The following MYRIP variants were observed in gnomAD, a reference collection of about 807,000 sequenced individuals.
MYRIP encodes rab effector MyRIP.
A neutral mutation model predicts 98.0 loss-of-function variants in MYRIP; 49 were observed. The ratio of observed to expected loss-of-function variants is 0.50; its 90% confidence interval spans 0.40 to 0.63. The LOEUF is 0.63. MYRIP is among the 30% of genes least tolerant of loss of function. The pLI is 0.00. For synonymous variants in MYRIP, 404 were observed against 409.5 expected, an observed-to-expected ratio of 0.99 and a Z score of 0.16; for missense variants, 1,004 against 1,058.2, an observed-to-expected ratio of 0.95 and a Z score of 0.71.
intron 1 of MYRIP, among the ~76,000 whole-genome samples, chr3:39,849,848 G>T (rs1942073979): frequency 6.6e-6 from 1 of 152,182 alleles, no homozygotes; most frequent in Admixed American, 6.5e-5. Context: ...GGGTAGGAGA[G>T]AATTAGTGAC....
intron 2 of MYRIP, among the ~76,000 whole-genome samples, chr3:40,014,584 C>T (rs1431683403): frequency 6.6e-6 from 1 of 152,176 alleles, no homozygotes; most frequent in Non-Finnish European, 1.5e-5. Flanking sequence ...CACTGTGCCT[C>T]AGTTTCCTCA....
At chr3:40,244,959 A>G (rs1011964557) in intron 13 of MYRIP, among the ~76,000 whole-genome samples, 1 of 152,222 alleles carries the variant, frequency 6.6e-6, no homozygotes, top group African/African-American at 2.4e-5. Flanking sequence ...ATTACTTATT[A>G]AGTAATATTA....
At chr3:40,183,226 G>A (rs772719340) in intron 9 of MYRIP, among the ~76,000 whole-genome samples, 1 of 152,192 alleles carries the variant, frequency 6.6e-6, no homozygotes. Context: ...CATCCTGGCT[G>A]GGCAGATGCA....
intron 7 of MYRIP, among the ~76,000 whole-genome samples, chr3:40,167,747 C>T (rs1348414703): frequency 2.0e-5 from 3 of 152,152 alleles, no homozygotes; most frequent in African/African-American, 7.2e-5. Flanking sequence ...TTTCCATGAC[C>T]GTGGACCCTC....
chr3:40,114,111 C>T (rs1949219933), intron 3 of MYRIP, among the ~76,000 whole-genome samples: 1 of 152,190 alleles, frequency 6.6e-6, no homozygotes, highest in Non-Finnish European at 1.5e-5. Context: ...TTCTGCAACA[C>T]AGAATATAGT....
Position 40,141,248 on chromosome 3 carries a change from GTCTTCTTTTAA to G in MYRIP, c.333-9799_333-9789del, listed in dbSNP as rs1394308524. ...AAGAATGAGATCCAGTCATTTGTAT[GTCTTCTTTTAA>G]AAAATGTCTTTTCAGATCATTTTCC... On this transcript the variant is annotated intron_variant, in intron 3 of 16. Coordinates refer to ENST00000302541, the MANE Select transcript of MYRIP (RefSeq NM_015460.4). Among the ~76,000 whole-genome samples, 3 of 152,150 alleles carry G rather than the reference GTCTTCTTTTAA, an allele frequency of 2.0e-5. No individual in the cohort carries two copies. In the East Asian group the frequency reaches 5.8e-4, roughly 29 times the overall value.
At chr3:40,032,229 T>C (rs1313520058) in intron 2 of MYRIP, among the ~76,000 whole-genome samples, 5 of 152,130 alleles carry the variant, frequency 3.3e-5, no homozygotes, top group South Asian at 2.1e-4. Flanking sequence ...TTTATTTCTG[T>C]CTTCATTTCG....
chr3:40,176,469 G>A (rs1304489130), intron 8 of MYRIP, among the ~76,000 whole-genome samples: 3 of 152,156 alleles, frequency 2.0e-5, no homozygotes, highest in Admixed American at 2.0e-4. Context: ...GAAATACAAG[G>A]CCAGGTATGG....
chr3:40,026,087 G>C (rs11129859), intron 2 of MYRIP, among the ~76,000 whole-genome samples: 42,212 of 151,870 alleles, frequency 0.28, 6,571 homozygotes, highest in Non-Finnish European at 0.36. Flanking sequence ...GCGTATTTCA[G>C]TCCTTATCTC....
chr3:40,134,266 C>G (rs1410233174), intron 3 of MYRIP, among the ~76,000 whole-genome samples: 3 of 152,124 alleles, frequency 2.0e-5, no homozygotes, highest in African/African-American at 7.2e-5. Flanking sequence ...GGTCCTACAC[C>G]CACGGAGCCT....
intron 2 of MYRIP, among the ~76,000 whole-genome samples, chr3:39,976,791 C>G (rs1039518127): frequency 3.9e-5 from 6 of 152,072 alleles, no homozygotes; most frequent in African/African-American, 1.5e-4. Flanking sequence ...CAAACTATCA[C>G]AAGGACAAAA....
intron 1 of MYRIP, among the ~76,000 whole-genome samples, chr3:39,856,154 T>C (rs2125612133): frequency 6.6e-6 from 1 of 152,366 alleles, no homozygotes; most frequent in African/African-American, 2.4e-5. Context: ...CCTCTTACAC[T>C]TTGGGAACTC....
rs1337230036 is a variant in MYRIP at position 40,234,014 on chromosome 3, A to C, written c.2061A>C (p.Gln687His). Reference sequence around the variant, plus strand: ...GGATGTTTCCTCGTGGGACAGACCAAGTGAGACTGGATGAGCAGCTGACTT... The same window carrying C: ...GGATGTTTCCTCGTGGGACAGACCACGTGAGACTGGATGAGCAGCTGACTT... ...QKGMFPRGTD[Q>H]VRLDEQLTSL... The change falls in exon 12 of 17, where the codon CAA (glutamine) becomes CAC (histidine). Residue 687 changes from glutamine (Q) to histidine (H), a missense_variant. Gln to His is a conservative substitution (Grantham distance 24). Coordinates refer to ENST00000302541, the MANE Select transcript of MYRIP (RefSeq NM_015460.4). The C allele has an allele frequency of 1.9e-6, 3 of 1,610,458 alleles. No individual in the cohort carries two copies. The highest frequency in any genetic ancestry group is 2.5e-6 in the Non-Finnish European group (3 of 1,179,046).
At chr3:40,112,244 GA>G (rs1278235863) in intron 3 of MYRIP, among the ~76,000 whole-genome samples, 2 of 151,040 alleles carry the variant, frequency 1.3e-5, no homozygotes, top group African/African-American at 4.9e-5. Flanking sequence ...AATATCTCAT[GA>G]GGGGGTGGAG....
chr3:39,899,685 C>T (rs1943700521), intron 1 of MYRIP, among the ~76,000 whole-genome samples: 1 of 151,928 alleles, frequency 6.6e-6, no homozygotes, highest in Admixed American at 6.6e-5. Flanking sequence ...CAATTTATAC[C>T]CCCAAATGAA....
intron 3 of MYRIP, among the ~76,000 whole-genome samples, chr3:40,078,293 C>T (rs1365330193): frequency 1.3e-5 from 2 of 152,232 alleles, no homozygotes; most frequent in African/African-American, 4.8e-5. Flanking sequence ...CCCCGGTTCG[C>T]ATTCGCACCT....
intron 2 of MYRIP, among the ~76,000 whole-genome samples, chr3:39,908,472 A>G (rs1408687182): frequency 6.6e-6 from 1 of 152,164 alleles, no homozygotes; most frequent in African/African-American, 2.4e-5. Flanking sequence ...GAAAATAAAT[A>G]AGAGCTGCCA....
intron 7 of MYRIP, among the ~76,000 whole-genome samples, chr3:40,168,965 A>G (rs1251422235): frequency 1.3e-5 from 2 of 152,206 alleles, no homozygotes; most frequent in East Asian, 3.8e-4. Flanking sequence ...AAGTAGACTC[A>G]CCACACCCAA....
intron 2 of MYRIP, among the ~76,000 whole-genome samples, chr3:40,013,925 T>G (rs551326696): frequency 1.4e-4 from 21 of 152,382 alleles, no homozygotes; most frequent in African/African-American, 3.8e-4. Context: ...CTGGTTCATA[T>G]TCTAAACACA....
Sources: allele counts gnomAD v4.1 joint callset (sites outside exome capture counted in the v4.1 genomes callset), GRCh38; gene constraint gnomAD v4.1.1; transcripts MANE v1.5; gene names NCBI Gene and HGNC (gene_info 2026-07-23, HGNC 2026-07-21).